The following NAALADL2 variants were observed in gnomAD, a reference collection of about 807,000 sequenced individuals.
NAALADL2 encodes inactive N-acetylated-alpha-linked acidic dipeptidase-like protein 2.
NAALADL2 carries 76 observed loss-of-function variants against 87.2 expected under a neutral mutation model. The observed-to-expected ratio is 0.87, with a 90% CI of 0.72 to 1.05. NAALADL2 has a LOEUF of 1.05. Ranked by LOEUF, NAALADL2 falls within the 50% of genes least tolerant of loss-of-function variation. NAALADL2 has a pLI of 0.00. For missense variants in NAALADL2, 1,089 were observed against 945.8 expected, an observed-to-expected ratio of 1.15 and a Z score of -1.99; for synonymous variants, 354 against 331.0, an observed-to-expected ratio of 1.07 and a Z score of -0.75.
At chr3:175,144,593 G>A (rs888935938) in intron 2 of NAALADL2, among the ~76,000 whole-genome samples, 7 of 151,902 alleles carry the variant, frequency 4.6e-5, no homozygotes, top group African/African-American at 1.7e-4. Context: ...TATTTCCTAT[G>A]TTTATTCTCA....
intron 9 of NAALADL2, among the ~76,000 whole-genome samples, chr3:175,502,230 T>G (rs763388930): frequency 7.5e-4 from 76 of 100,940 alleles, no homozygotes; most frequent in East Asian, 2.6e-3. Flanking sequence ...TTATCCTGGG[T>G]GTGTGTGTGT....
chr3:174,557,047 C>T (rs1391039397), intron 2 of NAALADL2, among the ~76,000 whole-genome samples: 1 of 152,120 alleles, frequency 6.6e-6, no homozygotes, highest in Non-Finnish European at 1.5e-5. Context: ...TGCCCAGCTA[C>T]ATTTTTACAG....
intron 3 of NAALADL2, among the ~76,000 whole-genome samples, chr3:174,773,937 T>G (rs1714889032): frequency 6.6e-6 from 1 of 152,106 alleles, no homozygotes. Context: ...AATTTGAAAT[T>G]CTTTCTTTTT....
intron 7 of NAALADL2, 140 bp from the exon 8 acceptor site, chr3:175,466,839 A>AC (rs1724110989): frequency 1.4e-6 from 1 of 708,432 alleles, no homozygotes; most frequent in African/African-American, 1.8e-5. Flanking sequence ...CAGTGAGCAA[A>AC]AAAATTAAAG....
intron 5 of NAALADL2, among the ~76,000 whole-genome samples, chr3:175,340,753 C>T (rs553647982): frequency 4.9e-4 from 75 of 152,224 alleles, no homozygotes; most frequent in African/African-American, 1.7e-3. Context: ...TGTATCTGCT[C>T]CTTAAGAATG....
At chr3:175,385,759 T>C (rs1013048401) in intron 5 of NAALADL2, among the ~76,000 whole-genome samples, 1 of 151,988 alleles carries the variant, frequency 6.6e-6, no homozygotes, top group Non-Finnish European at 1.5e-5. Flanking sequence ...TATGTATCAA[T>C]GAAAAACAAA....
chr3:175,368,770 T>C (rs114000153), intron 5 of NAALADL2, among the ~76,000 whole-genome samples: 107 of 152,268 alleles, frequency 7.0e-4, no homozygotes, highest in Middle Eastern at 3.4e-3. Context: ...TCGTATAGCT[T>C]ATTACTTCTA....
chr3:175,550,575 C>T (rs921059103), intron 9 of NAALADL2, among the ~76,000 whole-genome samples: 11 of 152,168 alleles, frequency 7.2e-5, no homozygotes, highest in Non-Finnish European at 1.5e-4. Context: ...TTACTCCCTT[C>T]TTACAGGAAA....
Position 175,121,371 on chromosome 3 carries a change from C to T in NAALADL2, c.545+24080C>T, listed in dbSNP as rs1322293263. Among the ~76,000 whole-genome samples, 7 of 151,728 alleles carry T rather than the reference C, an allele frequency of 4.6e-5. 1 individual carries two copies. The highest frequency in any genetic ancestry group is 7.4e-5 in the Non-Finnish European group (5 of 67,810). On this transcript the variant is annotated intron_variant, in intron 2 of 13. Transcript: ENST00000454872. ...TTGTCCTTGGCTACCTCTTGGCCTG[C>T]AAAGTGGAGAACTAGATGTTTCACA...
intron 2 of NAALADL2, among the ~76,000 whole-genome samples, chr3:174,587,035 C>A (rs1244806777): frequency 1.3e-5 from 2 of 149,890 alleles, no homozygotes; most frequent in Non-Finnish European, 3.0e-5. Flanking sequence ...ACCCCGTGTC[C>A]AAGTGTTCTC....
chr3:174,887,605 G>A (rs1730331098), intron 1 of NAALADL2, among the ~76,000 whole-genome samples: 1 of 151,934 alleles, frequency 6.6e-6, no homozygotes, highest in Admixed American at 6.6e-5. Context: ...GACCAGCCTG[G>A]GCAACATGGC....
At chr3:174,618,028 T>C (rs547645048) in intron 2 of NAALADL2, among the ~76,000 whole-genome samples, 1 of 151,858 alleles carries the variant, frequency 6.6e-6, no homozygotes, top group African/African-American at 2.4e-5. Context: ...CTTTTAGATA[T>C]GAAGAAGAAA....
In NAALADL2 at chr3:174,802,900, G is replaced by A. The variant is rs751782168; in HGVS notation, c.-9+65154G>A. On this transcript the variant is annotated intron_variant, in intron 3 of 3. Transcript: ENST00000434257. ...TCTATCATTGATGGACATTTGGGTT[G>A]GTTCCAAGTCTTTGCTCTTGTGAAT... 2.6e-5 allele frequency among the ~76,000 whole-genome samples: 4 copies of A among 152,122 alleles called. No homozygotes were observed. In the East Asian group the frequency reaches 7.7e-4, roughly 29 times the overall value.
chr3:174,609,115 A>G (rs144749521), intron 2 of NAALADL2, among the ~76,000 whole-genome samples: 8 of 151,548 alleles, frequency 5.3e-5, no homozygotes, highest in Non-Finnish European at 7.4e-5. Flanking sequence ...ATTCAACAAC[A>G]CTTCATGCTA....
intron 2 of NAALADL2, among the ~76,000 whole-genome samples, chr3:175,116,572 C>T (rs1292488516): frequency 6.6e-6 from 1 of 151,706 alleles, no homozygotes; most frequent in Non-Finnish European, 1.5e-5. Flanking sequence ...CACTGCTCAA[C>T]AAAATAAAAG....
chr3:175,648,675 C>T (rs1232268837), intron 11 of NAALADL2, among the ~76,000 whole-genome samples: 1 of 152,092 alleles, frequency 6.6e-6, no homozygotes, highest in Non-Finnish European at 1.5e-5. Context: ...GTATTCCAAT[C>T]CATGTGTACT....
intron 2 of NAALADL2, among the ~76,000 whole-genome samples, chr3:174,634,938 G>A (rs1029607220): frequency 4.6e-5 from 7 of 152,188 alleles, no homozygotes; most frequent in Non-Finnish European, 1.0e-4. Context: ...TTTAATCACT[G>A]GAAAATTTTA....
intron 5 of NAALADL2, among the ~76,000 whole-genome samples, chr3:175,378,999 A>G (rs1767477543): frequency 1.3e-5 from 2 of 152,170 alleles, no homozygotes; most frequent in African/African-American, 2.4e-5. Context: ...TATTGGTTGC[A>G]TATTTTCAAG....
chr3:174,859,549 ATCCC>A, intron 1 of NAALADL2, 99 bp downstream of exon 1: 2 of 925,504 alleles, frequency 2.2e-6, no homozygotes, highest in Non-Finnish European at 3.5e-6. Context: ...GCACACACGC[ATCCC>A]TGCATGCATG....
Sources: allele counts gnomAD v4.1 joint callset (sites outside exome capture counted in the v4.1 genomes callset), GRCh38; gene constraint gnomAD v4.1.1; transcripts MANE v1.5; gene names NCBI Gene and HGNC (gene_info 2026-07-23, HGNC 2026-07-21).